Variants in HTR1F observed in about 807,000 individuals in gnomAD.
HTR1F encodes the protein 5-hydroxytryptamine (serotonin) receptor 1F, G protein-coupled.
HTR1F carries 17 observed loss-of-function variants against 24.0 expected under a neutral mutation model. The observed-to-expected ratio is 0.71, with a 90% confidence interval of 0.48 to 1.06. The LOEUF (loss-of-function observed/expected upper bound fraction) is 1.06, where lower values mean the gene tolerates loss of function less well. Ranked by LOEUF, HTR1F falls within the 50% of genes least tolerant of loss-of-function variation. The pLI, the probability that HTR1F is intolerant of heterozygous loss-of-function variation, is 0.00. For missense variants in HTR1F, 391 were observed against 427.8 expected, an observed-to-expected ratio of 0.91 and a Z score of 0.76; for synonymous variants, 186 against 156.8, an observed-to-expected ratio of 1.19 and a Z score of -1.39.
chr3:87,884,218 C>T (rs985616502), intron 2 of HTR1F, among the ~76,000 whole-genome samples: 9 of 152,236 alleles, frequency 5.9e-5, no homozygotes, highest in African/African-American at 1.7e-4. Context: ...GAATTTTCAC[C>T]CAGAATTTTA....
chr3:87,921,390 G>C (rs890939745), intron 2 of HTR1F, among the ~76,000 whole-genome samples: 3 of 151,834 alleles, frequency 2.0e-5, no homozygotes, highest in Non-Finnish European at 2.9e-5. Flanking sequence ...TTATGTGCAA[G>C]GCAAGTTCCA....
intron 2 of HTR1F, among the ~76,000 whole-genome samples, chr3:87,908,283 A>C (rs1317745948): frequency 6.6e-6 from 1 of 152,028 alleles, no homozygotes; most frequent in Admixed American, 6.6e-5. Flanking sequence ...AAGTAGATTG[A>C]TATCACTTAA....
intron 2 of HTR1F, among the ~76,000 whole-genome samples, chr3:87,844,212 T>C (rs1223716337): frequency 6.6e-6 from 1 of 151,920 alleles, no homozygotes; most frequent in African/African-American, 2.4e-5. Flanking sequence ...TTTTTAATGA[T>C]TGCCATTCTA....
chr3:87,873,133 C>CACACACACACAGAG (rs370152361), intron 2 of HTR1F, among the ~76,000 whole-genome samples: 5 of 130,320 alleles, frequency 3.8e-5, no homozygotes, highest in South Asian at 2.4e-4. Flanking sequence ...CACACACACA[C>CACACACACACAGAG]AGAGAGATTT....
chr3:87,866,862 G>A (rs1290427789), intron 2 of HTR1F, among the ~76,000 whole-genome samples: 2 of 150,070 alleles, frequency 1.3e-5, no homozygotes, highest in East Asian at 2.0e-4. Context: ...GTGTGTTCAG[G>A]GAGCAGTTGT....
At chr3:87,798,549 C>T (rs560261339) in intron 1 of HTR1F, among the ~76,000 whole-genome samples, 46 of 152,042 alleles carry the variant, frequency 3.0e-4, no homozygotes, top group African/African-American at 1.1e-3. Flanking sequence ...CTCCACCCGC[C>T]GTAGCTAGAG....
intron 2 of HTR1F, among the ~76,000 whole-genome samples, chr3:87,869,394 TAGATA>T (rs1322212635): frequency 1.4e-5 from 1 of 69,310 alleles, no homozygotes; most frequent in Non-Finnish European, 3.8e-5. Context: ...GACAAACAGA[TAGATA>T]GATAGATAGA....
rs1300550548 is a variant in HTR1F, at chr3:87,861,222, G to C, written c.-43+39098G>C. Among the ~76,000 whole-genome samples, 5 of 152,000 alleles carry C rather than the reference G, an allele frequency of 3.3e-5. 1 individual carries two copies. The highest frequency in any genetic ancestry group is 6.6e-5 in the Admixed American group (1 of 15,256). ...TATATCTAAGAAAGTATGCAATTTT[G>C]GATTTTGTTCATCGGTAAAAAGTTG... On this transcript the variant is annotated intron_variant, in intron 2 of 2. Coordinates refer to ENST00000319595, the MANE Select transcript of HTR1F (RefSeq NM_001322209.2).
intron 2 of HTR1F, among the ~76,000 whole-genome samples, chr3:87,952,513 T>C (rs779457469): frequency 6.6e-5 from 10 of 151,984 alleles, no homozygotes; most frequent in Non-Finnish European, 1.2e-4. Context: ...TTTTAAGATT[T>C]AAAGACAAGT....
chr3:87,819,849 GAT>G (rs1468371703), intron 1 of HTR1F, among the ~76,000 whole-genome samples: 14 of 151,866 alleles, frequency 9.2e-5, no homozygotes, highest in Admixed American at 2.0e-4. Context: ...AAAAATTTAT[GAT>G]TACTGTTGAC....
At chr3:87,965,641 C>T (rs1705148476) in intron 2 of HTR1F, among the ~76,000 whole-genome samples, 1 of 152,100 alleles carries the variant, frequency 6.6e-6, no homozygotes, top group African/African-American at 2.4e-5. Context: ...AGGATAATAA[C>T]TGGCGACACA....
chr3:87,992,832 G>T lies in HTR1F; in HGVS notation c.*982G>T, dbSNP rs183353509. On this transcript the variant is annotated 3_prime_UTR_variant, in exon 3 of 3. Coordinates refer to ENST00000319595, the MANE Select transcript of HTR1F (RefSeq NM_001322209.2). ...AACATTATTTCCCGTTTACTAGACA[G>T]AATATAATGGAAATTTTTAGAACTT... 6.0e-6 allele frequency: 1 copy of T among 166,940 alleles called. No individual in the cohort carries two copies. Among genetic ancestry groups the T allele is most frequent in the African/African-American group, 2.4e-5 (1 of 41,540 alleles). 10.3% of individuals were successfully genotyped at this position (166,940 alleles called of 1,614,324 possible). A position where few individuals can be genotyped will look rare whatever the true frequency, so the allele number is the denominator to read the frequency against.
intron 2 of HTR1F, among the ~76,000 whole-genome samples, chr3:87,969,950 C>T (rs1278337505): frequency 3.3e-5 from 5 of 152,158 alleles, no homozygotes; most frequent in Non-Finnish European, 7.3e-5. Context: ...GGGGAGTTCC[C>T]CTGCACATGC....
At chr3:87,921,666 T>A (rs971539575) in intron 2 of HTR1F, among the ~76,000 whole-genome samples, 4 of 151,914 alleles carry the variant, frequency 2.6e-5, no homozygotes, top group African/African-American at 9.7e-5. Context: ...TATAGAACAC[T>A]AGAATCCTAT....
rs1352206710 is a variant in HTR1F at position 87,967,859 on chromosome 3, A to G, written c.-42-22849A>G. On this transcript the variant is annotated intron_variant, in intron 2 of 2. Transcript: ENST00000319595. ...GAACAGACTAATACAGCAAATTTGTACCAGTATAGTAGGGCGCAGCTGTAA... is the reference window on the plus strand; with the variant it reads ...GAACAGACTAATACAGCAAATTTGTGCCAGTATAGTAGGGCGCAGCTGTAA... Among the ~76,000 whole-genome samples the G allele has an allele frequency of 2.0e-5, 3 of 152,210 alleles. No homozygotes were observed. In the East Asian group the frequency reaches 5.8e-4, roughly 29 times the overall value.
intron 2 of HTR1F, among the ~76,000 whole-genome samples, chr3:87,892,747 G>T (rs886322454): frequency 6.6e-6 from 1 of 151,914 alleles, no homozygotes; most frequent in East Asian, 1.9e-4. Flanking sequence ...ATTATCGTGC[G>T]CCCTTTTGGG....
intron 2 of HTR1F, among the ~76,000 whole-genome samples, chr3:87,926,595 T>C (rs1283427796): frequency 6.6e-6 from 1 of 152,160 alleles, no homozygotes; most frequent in Non-Finnish European, 1.5e-5. Flanking sequence ...AAAGTATTAT[T>C]AAATAACATT....
chr3:87,800,277 C>T (rs1703971286), intron 1 of HTR1F, among the ~76,000 whole-genome samples: 1 of 152,144 alleles, frequency 6.6e-6, no homozygotes, highest in African/African-American at 2.4e-5. Context: ...TCTGCTCCAA[C>T]TTTACTTTCA....
At chr3:87,892,521 T>C (rs1033746865) in intron 2 of HTR1F, among the ~76,000 whole-genome samples, 2 of 152,170 alleles carry the variant, frequency 1.3e-5, no homozygotes, top group African/African-American at 4.8e-5. Context: ...TTTATATAAC[T>C]TCTCTGACCT....
Sources: gnomAD v4.1 joint callset for allele counts (sites outside exome capture counted in the v4.1 genomes callset) on GRCh38, gnomAD v4.1.1 for gene constraint, MANE v1.5 for transcripts, NCBI Gene and HGNC (gene_info 2026-07-23, HGNC 2026-07-21) for gene names.